PLB1: variants seen among roughly 807,000 people sequenced by gnomAD.
PLB1 encodes the protein phospholipase B1, also known as phospholipase B1, membrane-associated.
In PLB1, 242 loss-of-function variants were observed where a neutral mutation model predicts 227.4. The observed-to-expected ratio is 1.06, with a 90% CI of 0.96 to 1.18. The LOEUF is 1.18. PLB1 is among the 50% of genes most tolerant of loss of function. The pLI, the probability that PLB1 is intolerant of heterozygous loss-of-function variation, is 0.00. For synonymous variants in PLB1, 757 were observed against 682.2 expected (o/e 1.11, Z -1.71); for missense variants, 1,858 against 1,816.3 (o/e 1.02, Z -0.42).
intron 20 of PLB1, among the ~76,000 whole-genome samples, chr2:28,567,527 A>C (rs376852133): frequency 1.4e-3 from 176 of 124,234 alleles, no homozygotes; most frequent in African/African-American, 5.4e-3. Flanking sequence ...GCTGGAGTGC[A>C]GAGTGGCGCC....
At chr2:28,598,621 C>G in intron 34 of PLB1, 31 bp from the exon 35 acceptor site, 1 of 1,547,708 alleles carries the variant, frequency 6.5e-7, no homozygotes, top group Non-Finnish European at 8.9e-7. Context: ...CTGTTCTGAG[C>G]CGTCTGCATC....
At chr2:28,541,852 G>A (rs1282943329) in intron 13 of PLB1, 41 bp downstream of exon 13, 1 of 1,502,738 alleles carries the variant, frequency 6.7e-7, no homozygotes, top group Admixed American at 1.7e-5. Context: ...TGTGGTGGGG[G>A]CCGGGCATGG....
intron 9 of PLB1, among the ~76,000 whole-genome samples, chr2:28,534,744 C>T (rs992018960): frequency 6.6e-6 from 1 of 152,068 alleles, no homozygotes; most frequent in Non-Finnish European, 1.5e-5. Context: ...GTCCCAGCTA[C>T]TCGGGAGGCT....
At chr2:28,631,324 C>T (rs1400516531) in intron 54 of PLB1, among the ~76,000 whole-genome samples, 6 of 152,114 alleles carry the variant, frequency 3.9e-5, no homozygotes, top group African/African-American at 1.4e-4. Context: ...ATTCTGCAAA[C>T]TGACCCTCCT....
chr2:28,591,144 T>A lies in PLB1; in HGVS notation c.2100T>A (p.Phe700Leu). 6.2e-7 allele frequency: 1 copy of A among 1,614,194 alleles called. No individual in the cohort carries two copies. The highest frequency in any genetic ancestry group is 8.5e-7 in the Non-Finnish European group (1 of 1,180,024). ...NITCPNQVQP[F>L]LRTYKNSMQG... ...CCCTCTCCTCACAGGTCCAGCCGTT[T>A]CTGAGGACCTACAAGAACAGCATGC... The change falls in exon 30 of 58, where the codon TTT becomes TTA. Residue 700 changes from phenylalanine (F) to leucine (L), a missense_variant. Phe to Leu is a conservative substitution (Grantham distance 22). Transcript: ENST00000327757.
intron 1 of PLB1, 66 bp downstream of exon 1, chr2:28,496,235 G>T: frequency 6.8e-7 from 1 of 1,463,820 alleles, no homozygotes; most frequent in Non-Finnish European, 9.5e-7. Flanking sequence ...ATGTTGCTTA[G>T]GCAATGGGTG....
chr2:28,600,687 C>T (rs916317181), intron 35 of PLB1, 122 bp from the exon 36 acceptor site: 15 of 860,214 alleles, frequency 1.7e-5, no homozygotes, highest in African/African-American at 6.8e-5. Context: ...TTCTGAGCCT[C>T]GGGATCTCTG....
intron 4 of PLB1, among the ~76,000 whole-genome samples, chr2:28,523,436 T>G (rs1669810457): frequency 6.6e-6 from 1 of 150,624 alleles, no homozygotes; most frequent in Admixed American, 6.7e-5. Flanking sequence ...GGGTAGAGCC[T>G]GTGTCTTACT....
chr2:28,547,652 A>G (rs1387543388), intron 14 of PLB1, among the ~76,000 whole-genome samples: 15 of 152,220 alleles, frequency 9.9e-5, no homozygotes. Flanking sequence ...TCCTTGGCAG[A>G]GTCATTGGAA....
At position 28,605,963 on chromosome 2, in the gene PLB1, G is replaced by A. The variant is rs1323843136; in HGVS notation, c.3057+15G>A. 1.9e-6 allele frequency: 3 copies of A among 1,578,008 alleles called. No individual in the cohort carries two copies. Among genetic ancestry groups the A allele is most frequent in the Non-Finnish European group, 2.6e-6 (3 of 1,147,400 alleles). On this transcript the variant is annotated intron_variant, in intron 42 of 57. Transcript: ENST00000327757. ...GGACCAATATGGTAAAATAAGTGGG[G>A]TGTTCCTTGTTCTCTGGGGTTCTAG... is the stretch of plus-strand genomic sequence containing the variant.
intron 51 of PLB1, among the ~76,000 whole-genome samples, chr2:28,628,011 A>G (rs563651082): frequency 1.6e-4 from 25 of 152,266 alleles, no homozygotes; most frequent in South Asian, 8.3e-4. Context: ...AGCACCTACT[A>G]TGTACCTTGT....
intron 4 of PLB1, among the ~76,000 whole-genome samples, chr2:28,521,542 G>C (rs2148181571): frequency 6.6e-6 from 1 of 152,236 alleles, no homozygotes; most frequent in Middle Eastern, 3.4e-3. Context: ...GCATTTCCCT[G>C]ATGATTAGTA....
rs568199182 is a variant in PLB1, at chr2:28,560,511, G to C, written c.1148-2530G>C. ...GTTAAACTCCTAACTTGTTAGCCAG[G>C]CATAAAAGCTTATAATCCCAGCTAC... On this transcript the variant is annotated intron_variant, in intron 17 of 57. Coordinates refer to ENST00000327757, the MANE Select transcript of PLB1 (RefSeq NM_153021.5). Among the ~76,000 whole-genome samples, 143 of 152,068 alleles carry C rather than the reference G, an allele frequency of 9.4e-4. 3 individuals are homozygous for C. Among genetic ancestry groups the C allele is most frequent in the Non-Finnish European group, 1.6e-3 (111 of 68,006 alleles).
chr2:28,570,449 G>T (rs1677815596), intron 20 of PLB1, among the ~76,000 whole-genome samples: 1 of 150,940 alleles, frequency 6.6e-6, no homozygotes, highest in East Asian at 1.9e-4. Flanking sequence ...CAATGGATCA[G>T]AAAAAGCATT....
chr2:28,566,646 T>C, intron 19 of PLB1, 150 bp from the exon 20 acceptor site: 2 of 801,500 alleles, frequency 2.5e-6, no homozygotes, highest in South Asian at 3.1e-5. Context: ...GTTTGCTTTT[T>C]CCGTTTTTCT....
chr2:28,591,048 G>A (rs755139473), intron 29 of PLB1, 85 bp from the exon 30 acceptor site: 44 of 1,552,822 alleles, frequency 2.8e-5, no homozygotes, highest in Non-Finnish European at 3.9e-5. Context: ...GCAGCTGTTT[G>A]TGCCAGGCCG....
chr2:28,558,934 A>G (rs1254110105), intron 17 of PLB1, among the ~76,000 whole-genome samples: 1 of 152,170 alleles, frequency 6.6e-6, no homozygotes, highest in Non-Finnish European at 1.5e-5. Flanking sequence ...TATATTGCCC[A>G]GGCTGGTCTC....
At position 28,643,734 on chromosome 2, in the gene PLB1, A is replaced by G. The variant is rs148266015; in HGVS notation, c.*673A>G. On this transcript the variant is annotated 3_prime_UTR_variant, in exon 58 of 58. Transcript: ENST00000327757. Reference sequence around the variant, plus strand: ...CTTCGGGGAAAGTTTCTTGGGGGAGAGCAACCTTCACATGTCATTTTGGGA... The same window carrying G: ...CTTCGGGGAAAGTTTCTTGGGGGAGGGCAACCTTCACATGTCATTTTGGGA... The G allele has an allele frequency of 6.6e-6, 1 of 152,350 alleles. No homozygotes were observed. The highest frequency in any genetic ancestry group is 1.9e-4 in the East Asian group (1 of 5,182). The allele number at this position is 152,350 out of a possible 1,614,324, so 9.4% of individuals were successfully genotyped here. A position where few individuals can be genotyped will look rare whatever the true frequency, so the allele number is the denominator to read the frequency against.
intron 1 of PLB1, among the ~76,000 whole-genome samples, chr2:28,496,546 A>G (rs975493436): frequency 3.3e-5 from 5 of 152,148 alleles, no homozygotes; most frequent in South Asian, 2.1e-4. Context: ...TACTACTACT[A>G]TGCACATTTT....
Sources: allele counts gnomAD v4.1 joint callset (sites outside exome capture counted in the v4.1 genomes callset), GRCh38; gene constraint gnomAD v4.1.1; transcripts MANE v1.5; gene names NCBI Gene and HGNC (gene_info 2026-07-23, HGNC 2026-07-21).